Variants in WDFY3 observed in about 807,000 individuals in gnomAD.
The protein encoded by WDFY3 is WD repeat and FYVE domain containing 3.
In WDFY3, 66 loss-of-function variants were observed where a neutral mutation model predicts 409.6. The ratio of observed to expected loss-of-function variants is 0.16; its 90% CI spans 0.13 to 0.20. The LOEUF is 0.20. WDFY3 is among the 10% of genes least tolerant of loss of function. The pLI is 1.00. For synonymous variants in WDFY3, 1,521 were observed against 1,537.1 expected, an observed-to-expected ratio of 0.99 and a Z score of 0.25; for missense variants, 3,031 against 4,298.1, an observed-to-expected ratio of 0.71 and a Z score of 8.24.
chr4:84,882,718 A>G (rs939071857), intron 3 of WDFY3, among the ~76,000 whole-genome samples: 1 of 143,864 alleles, frequency 7.0e-6, no homozygotes, highest in Non-Finnish European at 1.5e-5. Flanking sequence ...TTTCACCTAT[A>G]TTTTTTTTTT....
rs530573851 is a variant in WDFY3, at chr4:84,811,544, A to G, written c.1888-1200T>C. Among the ~76,000 whole-genome samples, 24 of 152,318 alleles carry G rather than the reference A, an allele frequency of 1.6e-4. No homozygotes were observed. In the South Asian group the frequency reaches 5.0e-3, roughly 32 times the overall value. On this transcript the variant is annotated intron_variant, in intron 13 of 67. Coordinates refer to ENST00000295888, the MANE Select transcript of WDFY3 (RefSeq NM_014991.6). Reference sequence around the variant, plus strand: ...GGTAGAATTTAAACCTAGGCAGTCTAATTACCCTACTCCTGCACTTAATCA... The same window carrying G: ...GGTAGAATTTAAACCTAGGCAGTCTGATTACCCTACTCCTGCACTTAATCA...
intron 49 of WDFY3, among the ~76,000 whole-genome samples, chr4:84,715,792 A>G (rs1733790218): frequency 1.3e-5 from 2 of 151,044 alleles, no homozygotes; most frequent in East Asian, 2.0e-4. Context: ...AAAAAAAAAA[A>G]AAAAAAGAAG....
intron 3 of WDFY3, among the ~76,000 whole-genome samples, chr4:84,863,347 T>C (rs1339561100): frequency 3.3e-5 from 5 of 152,200 alleles, no homozygotes; most frequent in Admixed American, 3.3e-4. Context: ...ACCAACAGTG[T>C]ACAAGAGTCC....
chr4:84,782,703 A>G (rs1746766903), intron 25 of WDFY3, among the ~76,000 whole-genome samples: 1 of 152,208 alleles, frequency 6.6e-6, no homozygotes, highest in Non-Finnish European at 1.5e-5. Flanking sequence ...GTCCCTGCAA[A>G]GGACATGATC....
intron 32 of WDFY3, among the ~76,000 whole-genome samples, chr4:84,759,613 A>C (rs1172164034): frequency 1.3e-5 from 2 of 148,798 alleles, no homozygotes; most frequent in African/African-American, 5.0e-5. Context: ...TTTGTCTGTT[A>C]TTGGTGTATA....
Position 84,672,864 on chromosome 4 carries a change from A to G in WDFY3, c.*4T>C. ...CCATGGTCTCCACTCAGCTTGTTGAATCTTCAACAATTTCGAGGCCCATCT... is the reference window on the plus strand; with the variant it reads ...CCATGGTCTCCACTCAGCTTGTTGAGTCTTCAACAATTTCGAGGCCCATCT... On this transcript the variant is annotated 3_prime_UTR_variant, in exon 68 of 68. Transcript: ENST00000295888. 6.2e-7 allele frequency: 1 copy of G among 1,614,036 alleles called. No individual in the cohort carries two copies. Among genetic ancestry groups the G allele is most frequent in the Non-Finnish European group, 8.5e-7 (1 of 1,179,954 alleles).
At chr4:84,678,333 T>A (rs1467205278) in intron 65 of WDFY3, 54 bp from the exon 66 acceptor site, 13 of 1,298,086 alleles carry the variant, frequency 1.0e-5, no homozygotes, top group Non-Finnish European at 1.3e-5. Context: ...AAGCCAATAC[T>A]GGGGAGAACT....
At chr4:84,900,476 G>A (rs1427453320) in intron 2 of WDFY3, among the ~76,000 whole-genome samples, 1 of 152,120 alleles carries the variant, frequency 6.6e-6, no homozygotes. Flanking sequence ...TCCTCCAAAA[G>A]TGCTGAGATT....
intron 52 of WDFY3, 47 bp downstream of exon 52, chr4:84,709,241 TTCTAC>T (rs1347790472): frequency 6.5e-7 from 1 of 1,534,372 alleles, no homozygotes. Flanking sequence ...ACTGTATGAC[TTCTAC>T]TCTAATTACG....
At chr4:84,943,056 C>T (rs1335647314) in intron 1 of WDFY3, among the ~76,000 whole-genome samples, 1 of 152,234 alleles carries the variant, frequency 6.6e-6, no homozygotes, top group Non-Finnish European at 1.5e-5. Context: ...AACTACTCCT[C>T]TCTTCCTCCT....
chr4:84,905,174 A>G (rs1766878123), intron 2 of WDFY3, among the ~76,000 whole-genome samples: 2 of 152,206 alleles, frequency 1.3e-5, no homozygotes, highest in South Asian at 4.1e-4. Context: ...TGTTTCTACT[A>G]AAAATACAAA....
intron 16 of WDFY3, among the ~76,000 whole-genome samples, chr4:84,802,676 CTATTT>C (rs1750819341): frequency 6.6e-6 from 1 of 152,176 alleles, no homozygotes; most frequent in South Asian, 2.1e-4. Context: ...CAAACATGTC[CTATTT>C]TAATTTGCTA....
At chr4:84,739,237 CACAGA>C (rs1737989213) in intron 39 of WDFY3, 118 bp from the exon 40 acceptor site, 1 of 969,490 alleles carries the variant, frequency 1.0e-6, no homozygotes, top group Non-Finnish European at 1.6e-6. Context: ...TCAGCAGATG[CACAGA>C]ACAGAATTCT....
At chr4:84,910,204 G>A (rs1767576518) in intron 2 of WDFY3, among the ~76,000 whole-genome samples, 1 of 152,136 alleles carries the variant, frequency 6.6e-6, no homozygotes, top group Non-Finnish European at 1.5e-5. Context: ...ACGATTTACA[G>A]TATACAGGAG....
Position 84,844,051 on chromosome 4 carries a change from A to C in WDFY3, c.305-2788T>G, listed in dbSNP as rs1348458382. On this transcript the variant is annotated intron_variant, in intron 5 of 67. Transcript: ENST00000295888. ...TCAATACATATAGTTAGAATGAAAAACCCAGAAATGAAGTTAATAAAGCCC... is the reference window on the plus strand; with the variant it reads ...TCAATACATATAGTTAGAATGAAAACCCCAGAAATGAAGTTAATAAAGCCC... Among the ~76,000 whole-genome samples, 3 of 152,148 alleles carry C rather than the reference A, an allele frequency of 2.0e-5. No individual in the cohort carries two copies. In the East Asian group the frequency reaches 5.8e-4, roughly 29 times the overall value.
intron 4 of WDFY3, among the ~76,000 whole-genome samples, chr4:84,856,523 T>C (rs112728583): frequency 7.2e-5 from 11 of 152,280 alleles, no homozygotes; most frequent in African/African-American, 2.6e-4. Flanking sequence ...GACTTCACCA[T>C]AATCTTTCAG....
intron 1 of WDFY3, among the ~76,000 whole-genome samples, chr4:84,934,138 A>G (rs899246147): frequency 6.6e-6 from 1 of 152,144 alleles, no homozygotes; most frequent in Non-Finnish European, 1.5e-5. Context: ...CATTCCTATC[A>G]ACAGTGTACG....
chr4:84,708,224 T>G (rs778575949), intron 53 of WDFY3, among the ~76,000 whole-genome samples: 1 of 152,212 alleles, frequency 6.6e-6, no homozygotes, highest in Non-Finnish European at 1.5e-5. Flanking sequence ...CTACCAAGCC[T>G]TCTTGGAATA....
At chr4:84,759,022 G>A (rs1741987116) in intron 32 of WDFY3, among the ~76,000 whole-genome samples, 1 of 152,122 alleles carries the variant, frequency 6.6e-6, no homozygotes, top group Non-Finnish European at 1.5e-5. Context: ...TTCTACATAT[G>A]GCTAGGCAGT....
Sources: gnomAD v4.1 joint callset for allele counts (sites outside exome capture counted in the v4.1 genomes callset) on GRCh38, gnomAD v4.1.1 for gene constraint, MANE v1.5 for transcripts, NCBI Gene and HGNC (gene_info 2026-07-23, HGNC 2026-07-21) for gene names.